GDA: variants seen among roughly 807,000 people sequenced by gnomAD.
The protein encoded by GDA is cytoplasmic PSD-95 interactor.
Under a neutral mutation model 59.6 loss-of-function variants are expected in GDA, and 18 were observed. The observed-to-expected ratio is 0.30, with a 90% CI of 0.21 to 0.45. The LOEUF is 0.45. Ranked by LOEUF, GDA falls within the 20% of genes least tolerant of loss-of-function variation. GDA has a pLI of 1.00. For synonymous variants in GDA, 201 were observed against 201.1 expected, an observed-to-expected ratio of 1.00 and a Z score of 0.00; for missense variants, 427 against 552.3, an observed-to-expected ratio of 0.77 and a Z score of 2.27.
At chr9:72,182,869 A>G (rs10781078) in intron 1 of GDA, among the ~76,000 whole-genome samples, 115,743 of 152,058 alleles carry the variant, frequency 0.76, 44,209 homozygotes, top group Middle Eastern at 0.84. Flanking sequence ...ATGGATTCCC[A>G]TATTATTCTT....
chr9:72,252,868 A>G (rs1840787028), downstream of GDA, among the ~76,000 whole-genome samples: 1 of 152,214 alleles, frequency 6.6e-6, no homozygotes, highest in South Asian at 2.1e-4. Context: ...TACAGTCATG[A>G]AGATTAAATA....
chr9:72,134,993 T>C (rs1826166915), intron 1 of GDA, among the ~76,000 whole-genome samples: 7 of 152,176 alleles, frequency 4.6e-5, no homozygotes, highest in Admixed American at 4.6e-4. Flanking sequence ...TTCTTCTTGG[T>C]TACTTCCCTG....
At chr9:72,248,190 A>T (rs1840346270) in intron 13 of GDA, 82 bp from the exon 14 acceptor site, 3 of 932,424 alleles carry the variant, frequency 3.2e-6, no homozygotes, top group Middle Eastern at 4.5e-4. Flanking sequence ...AAGTATCTTT[A>T]AAAAAAATCT....
chr9:72,216,952 GGT>G (rs1182178413), intron 5 of GDA, among the ~76,000 whole-genome samples: 3 of 152,190 alleles, frequency 2.0e-5, no homozygotes, highest in Non-Finnish European at 4.4e-5. Context: ...TGGGATTACA[GGT>G]GTGAGCCACC....
chr9:72,176,624 G>A (rs1316208672), intron 1 of GDA, among the ~76,000 whole-genome samples: 3 of 152,176 alleles, frequency 2.0e-5, no homozygotes, highest in African/African-American at 7.2e-5. Flanking sequence ...ACTACACTGT[G>A]AGTCAGTGAA....
intron 9 of GDA, 171 bp downstream of exon 9, chr9:72,228,211 G>GT (rs1837852279): frequency 3.5e-6 from 2 of 578,912 alleles, no homozygotes; most frequent in Non-Finnish European, 3.1e-6. Context: ...AAGAGAACAC[G>GT]TAAGAGGACA....
upstream of GDA, among the ~76,000 whole-genome samples, chr9:72,147,680 T>A (rs1384562856): frequency 6.6e-6 from 1 of 152,176 alleles, no homozygotes; most frequent in Non-Finnish European, 1.5e-5. Context: ...ATTAACCGTA[T>A]CTGTTTTAGG....
intron 1 of GDA, among the ~76,000 whole-genome samples, chr9:72,171,782 T>A (rs1488423985): frequency 6.6e-6 from 1 of 152,176 alleles, no homozygotes; most frequent in Non-Finnish European, 1.5e-5. Flanking sequence ...CCTCAGGGTA[T>A]CTTGCCCACC....
intron 1 of GDA, among the ~76,000 whole-genome samples, chr9:72,189,272 C>T (rs986554886): frequency 6.7e-6 from 1 of 149,596 alleles, no homozygotes; most frequent in African/African-American, 2.5e-5. Context: ...CCTTGACCTC[C>T]CAGGCTTAAG....
chr9:72,228,531 G>A (rs529925103), intron 9 of GDA: 1 of 153,946 alleles, frequency 6.5e-6, no homozygotes, highest in East Asian at 1.9e-4. Flanking sequence ...CCAGAATACA[G>A]AGGTGTTATT....
At chr9:72,187,676 G>A (rs1395664361) in intron 1 of GDA, among the ~76,000 whole-genome samples, 1 of 152,236 alleles carries the variant, frequency 6.6e-6, no homozygotes, top group African/African-American at 2.4e-5. Flanking sequence ...GGAGAAGCAG[G>A]CTAGAAAAAG....
chr9:72,254,626 T>A (rs1164477119), downstream of GDA, among the ~76,000 whole-genome samples: 1 of 152,102 alleles, frequency 6.6e-6, no homozygotes, highest in Non-Finnish European at 1.5e-5. Context: ...TGGAAGATGG[T>A]TATTTGGTCA....
chr9:72,257,764 A>T (rs1377542647), downstream of GDA: 1 of 152,828 alleles, frequency 6.5e-6, no homozygotes, highest in Non-Finnish European at 1.5e-5. Context: ...TCTACAAAAA[A>T]TACAAAATAA....
rs1206235189 is a variant in GDA at position 72,245,210 on chromosome 9, A to T, written c.1198A>T (p.Ile400Phe). ...GGGCAAGGAATTTGATGCCATCCTG[A>T]TCAACCCCAAAGCATCCGACTCTCC... ...EVGKEFDAIL[I>F]NPKASDSPID... is the part of the protein sequence containing the mutation. The change falls in exon 12 of 14, where the codon ATC (isoleucine) becomes TTC (phenylalanine). Residue 400 changes from isoleucine (I) to phenylalanine (F), a missense_variant. Transcript: ENST00000358399. The T allele has an allele frequency of 6.2e-7, 1 of 1,612,628 alleles. No homozygotes were observed. Among genetic ancestry groups the T allele is most frequent in the Admixed American group, 1.7e-5 (1 of 60,002 alleles).
intron 10 of GDA, among the ~76,000 whole-genome samples, chr9:72,234,762 A>C (rs1363438069): frequency 3.3e-5 from 5 of 152,266 alleles, no homozygotes; most frequent in Non-Finnish European, 5.9e-5. Flanking sequence ...ACAATAAAAA[A>C]ATTTCTACAA....
chr9:72,202,961 C>T (rs966098008), intron 3 of GDA, among the ~76,000 whole-genome samples: 3 of 152,164 alleles, frequency 2.0e-5, no homozygotes, highest in Non-Finnish European at 4.4e-5. Context: ...TTTCCAAAAC[C>T]CCAATCTGGT....
chr9:72,146,209 G>A (rs1312655240), upstream of GDA, among the ~76,000 whole-genome samples: 1 of 152,120 alleles, frequency 6.6e-6, no homozygotes, highest in Non-Finnish European at 1.5e-5. Context: ...GGCACCACAG[G>A]CAGAGAGAAG....
At chr9:72,201,478 C>T (rs747524847) in intron 2 of GDA, among the ~76,000 whole-genome samples, 21 of 152,188 alleles carry the variant, frequency 1.4e-4, no homozygotes, top group Admixed American at 2.6e-4. Flanking sequence ...AAGATGACCA[C>T]TGAGTCTGCC....
chr9:72,156,127 G>A (rs1260365263), intron 1 of GDA, among the ~76,000 whole-genome samples: 2 of 152,186 alleles, frequency 1.3e-5, no homozygotes, highest in Non-Finnish European at 2.9e-5. Flanking sequence ...AGTGCATCAA[G>A]AGTGATCGCA....
Sources: gnomAD v4.1 joint callset for allele counts (sites outside exome capture counted in the v4.1 genomes callset) on GRCh38, gnomAD v4.1.1 for gene constraint, MANE v1.5 for transcripts, NCBI Gene and HGNC (gene_info 2026-07-23, HGNC 2026-07-21) for gene names.